The following NRDC variants were observed in gnomAD, a reference collection of about 807,000 sequenced individuals.
NRDC encodes nardilysin.
Under a neutral mutation model 147.1 loss-of-function variants are expected in NRDC, and 54 were observed. That is an observed-to-expected ratio of 0.37 (90% CI 0.29 to 0.46). The LOEUF (loss-of-function observed/expected upper bound fraction) is 0.46, where lower values mean the gene tolerates loss of function less well. NRDC is among the 20% of genes least tolerant of loss of function. The pLI, the probability that NRDC is intolerant of heterozygous loss-of-function variation, is 1.00. For missense variants in NRDC, 1,082 were observed against 1,370.6 expected (o/e 0.79, Z 3.33); for synonymous variants, 440 against 482.1 (o/e 0.91, Z 1.14).
chr1:51,794,345 G>A (rs1339260630), intron 24 of NRDC, 127 bp downstream of exon 24: 2 of 877,622 alleles, frequency 2.3e-6, no homozygotes, highest in Admixed American at 4.6e-5. Context: ...AAATGTAGTT[G>A]CTTCAAGAGG....
chr1:51,810,285 T>C lies in NRDC; in HGVS notation c.1899A>G (p.Ile633Met). ...ACAATTGTTAAAATATTTTACCTTC[T>C]ATACTATATTGAGTTCCAAACCATT... ...KEKWFGTQYS[I>M]EDIENSWAEL... is the part of the protein sequence containing the mutation. The change falls in exon 16 of 31, where the codon ATA (isoleucine) becomes ATG (methionine). Residue 633 changes from isoleucine to methionine, a missense_variant. Around this residue, in one of 3 missense-constraint regions of NRDC, gnomAD observed 635 missense variants for 923.8 expected, o/e 0.69. Coordinates refer to ENST00000352171, the MANE Select transcript of NRDC (RefSeq NM_001101662.2). The C allele has an allele frequency of 6.3e-7, 1 of 1,598,612 alleles. No homozygotes were observed. Among genetic ancestry groups the C allele is most frequent in the Non-Finnish European group, 8.6e-7 (1 of 1,169,370 alleles).
chr1:51,847,543 C>T (rs1034246192), intron 1 of NRDC, among the ~76,000 whole-genome samples: 1 of 152,210 alleles, frequency 6.6e-6, no homozygotes, highest in African/African-American at 2.4e-5. Context: ...AGCTAAGGCC[C>T]GGCGAGAAAT....
intron 1 of NRDC, among the ~76,000 whole-genome samples, chr1:51,870,210 G>A (rs531626185): frequency 5.9e-5 from 9 of 152,298 alleles, no homozygotes; most frequent in Middle Eastern, 3.4e-3. Context: ...CATGATCTCC[G>A]TACTCACGGG....
chr1:51,860,779 C>T (rs1300370101), intron 1 of NRDC, among the ~76,000 whole-genome samples: 2 of 152,152 alleles, frequency 1.3e-5, no homozygotes, highest in Non-Finnish European at 2.9e-5. Context: ...TTCTTACCAC[C>T]ACCTTTATAA....
At chr1:51,871,513 A>AT (rs1301230005) in intron 1 of NRDC, among the ~76,000 whole-genome samples, 2 of 91,214 alleles carry the variant, frequency 2.2e-5, no homozygotes, top group African/African-American at 9.0e-5. Flanking sequence ...CCACTGGTTC[A>AT]TTAAAAAAAA....
At chr1:51,815,426 T>C (rs934201986) in intron 11 of NRDC, among the ~76,000 whole-genome samples, 1 of 152,104 alleles carries the variant, frequency 6.6e-6, no homozygotes, top group African/African-American at 2.4e-5. Flanking sequence ...CTAACCTACA[T>C]AGGTTGTCTA....
At chr1:51,850,395 A>G (rs1424641915) in intron 1 of NRDC, among the ~76,000 whole-genome samples, 1 of 151,730 alleles carries the variant, frequency 6.6e-6, no homozygotes, top group Non-Finnish European at 1.5e-5. Context: ...AAAAATAGCC[A>G]TGTCTACCTT....
At chr1:51,809,759 G>A (rs928801251) in intron 16 of NRDC, among the ~76,000 whole-genome samples, 16 of 152,012 alleles carry the variant, frequency 1.1e-4, no homozygotes, top group Admixed American at 8.5e-4. Flanking sequence ...AAAATTAGCC[G>A]GGCATGGTGG....
At chr1:51,794,916 G>A (rs1678825527) in intron 22 of NRDC, 62 bp from the exon 23 acceptor site, 2 of 1,605,522 alleles carry the variant, frequency 1.2e-6, no homozygotes, top group African/African-American at 1.3e-5. Context: ...CCCAGAATCA[G>A]CTAATATCAA....
intron 1 of NRDC, among the ~76,000 whole-genome samples, chr1:51,841,304 A>AT (rs34124238): frequency 8.0e-5 from 12 of 149,680 alleles, no homozygotes; most frequent in Middle Eastern, 3.4e-3. Flanking sequence ...ATTTACACTA[A>AT]TTTTTTTTTT....
chr1:51,848,141 G>A, intron 1 of NRDC, among the ~76,000 whole-genome samples: 1 of 152,042 alleles, frequency 6.6e-6, no homozygotes, highest in East Asian at 1.9e-4. Flanking sequence ...TTATATTGGA[G>A]GTCCTAATAA....
In NRDC at chr1:51,819,077, G is replaced by A. The variant is rs956098000; in HGVS notation, c.1291+723C>T. 2.8e-4 allele frequency among the ~76,000 whole-genome samples: 42 copies of A among 152,124 alleles called. 1 individual carries two copies. Among genetic ancestry groups the A allele is most frequent in the African/African-American group, 9.2e-4 (38 of 41,424 alleles). ...AACACTGTGGGAGGCGAAGGCAGGCGGATCACTTGAGGCCAGGAGTTCGAG... is the reference window on the plus strand; with the variant it reads ...AACACTGTGGGAGGCGAAGGCAGGCAGATCACTTGAGGCCAGGAGTTCGAG... On this transcript the variant is annotated intron_variant, in intron 9 of 30. Transcript: ENST00000352171.
chr1:51,798,569 A>G, intron 21 of NRDC, 158 bp from the exon 22 acceptor site: 1 of 607,902 alleles, frequency 1.6e-6, no homozygotes, highest in Non-Finnish European at 2.8e-6. Context: ...CAGATTAACC[A>G]AAAAAGTACT....
At chr1:51,847,559 G>A (rs972802530) in intron 1 of NRDC, among the ~76,000 whole-genome samples, 6 of 152,238 alleles carry the variant, frequency 3.9e-5, no homozygotes, top group Non-Finnish European at 5.9e-5. Flanking sequence ...GAAATCGAGC[G>A]CAGCGCCAGT....
At chr1:51,837,271 A>T (rs979241331) in intron 2 of NRDC, among the ~76,000 whole-genome samples, 8 of 152,198 alleles carry the variant, frequency 5.3e-5, no homozygotes, top group Non-Finnish European at 5.9e-5. Context: ...GTTACCTCTT[A>T]AAAAAGAGCT....
At chr1:51,839,155 TTTTTC>T (rs1256390744) in intron 2 of NRDC, among the ~76,000 whole-genome samples, 3 of 115,112 alleles carry the variant, frequency 2.6e-5, no homozygotes, top group Admixed American at 1.1e-4. Flanking sequence ...ACTTTTTTTC[TTTTTC>T]TTTTTTTTTT....
chr1:51,865,093 G>C (rs1340999783), intron 1 of NRDC, among the ~76,000 whole-genome samples: 1 of 151,844 alleles, frequency 6.6e-6, no homozygotes, highest in Non-Finnish European at 1.5e-5. Flanking sequence ...ATAAGCTATG[G>C]ACTTAGAGAA....
intron 27 of NRDC, 31 bp downstream of exon 27, chr1:51,791,547 G>A (rs369371583): frequency 1.3e-6 from 2 of 1,537,478 alleles, no homozygotes; most frequent in Non-Finnish European, 1.8e-6. Context: ...TCCATAATAG[G>A]TTACACTCAT....
intron 1 of NRDC, among the ~76,000 whole-genome samples, chr1:51,848,070 T>C (rs1382939759): frequency 2.6e-5 from 4 of 152,332 alleles, no homozygotes; most frequent in East Asian, 3.9e-4. Context: ...TAAATCAACA[T>C]CAAATCCATT....
Sources: gnomAD v4.1 joint callset for allele counts (sites outside exome capture counted in the v4.1 genomes callset) on GRCh38, gnomAD v4.1.1 for gene constraint, gnomAD v4.1.1 regional missense constraint, MANE v1.5 for transcripts, NCBI Gene and HGNC (gene_info 2026-07-23, HGNC 2026-07-21) for gene names.